Variants in BAHCC1 observed in about 807,000 individuals in gnomAD.
BAHCC1 encodes the protein BAH domain and coiled-coil containing 1, also known as BAH and coiled-coil domain-containing protein 1.
In BAHCC1, 43 loss-of-function variants were observed where a neutral mutation model predicts 88.2. That is an observed-to-expected ratio of 0.49 (90% CI 0.38 to 0.63). The LOEUF (loss-of-function observed/expected upper bound fraction) is 0.63, where lower values mean the gene tolerates loss of function less well. Among genes scored for constraint, BAHCC1 ranks in the 20% least tolerant of loss-of-function variants. The pLI is 0.00. For missense variants in BAHCC1, 3,023 were observed against 1,654.8 expected, an observed-to-expected ratio of 1.83 and a Z score of -14.34; for synonymous variants, 1,510 against 745.5, an observed-to-expected ratio of 2.03 and a Z score of -16.71.
rs2064502764 is a variant in BAHCC1, at chr17:81,445,252, A to G, written c.2835+74A>G. The G allele has an allele frequency of 4.2e-6, 3 of 721,124 alleles. No individual in the cohort carries two copies. The Admixed American group carries it at 6.0e-5, about 14-fold the overall frequency. 44.7% of individuals were successfully genotyped at this position (721,124 alleles called of 1,614,324 possible). ...CTGCCTGGCCGGACCTGGCTCCAGG[A>G]GACCCCTGCATGCCTGGCCTCTGGC... On this transcript the variant is annotated intron_variant, in intron 9 of 27. Coordinates refer to ENST00000675386, the MANE Select transcript of BAHCC1 (RefSeq NM_001377448.1).
intron 14 of BAHCC1, 61 bp from the exon 15 acceptor site, chr17:81,455,206 G>A: frequency 1.4e-6 from 1 of 695,282 alleles, no homozygotes; most frequent in Non-Finnish European, 2.6e-6. Context: ...AGACAGTAGG[G>A]GGACAAGGCT....
At position 81,448,445 on chromosome 17, in the gene BAHCC1, T is replaced by C. The variant is rs374003076; in HGVS notation, c.3976+597T>C. On this transcript the variant is annotated intron_variant, in intron 11 of 27. Transcript: ENST00000675386. ...GACACCCGAGGGCCAGGTGTCTGCT[T>C]CGTCCACCCTGGGCCTTGGTCCGGG... Among the ~76,000 whole-genome samples the C allele has an allele frequency of 5.6e-4, 85 of 152,130 alleles. No individual in the cohort carries two copies. The East Asian group carries it at 0.014, about 26-fold the overall frequency.
Position 81,443,094 on chromosome 17 carries a change from C to T in BAHCC1, c.1745C>T (p.Pro582Leu), listed in dbSNP as rs781953437. The change falls in exon 5 of 28, where the codon CCC becomes CTC. Residue 582 changes from proline to leucine, a missense_variant. By Grantham distance (98) the Pro-to-Leu change is moderately conservative. Coordinates refer to ENST00000675386, the MANE Select transcript of BAHCC1 (RefSeq NM_001377448.1). Reference sequence around the variant, plus strand: ...CTGGGCTACAGTGGGCCCCACCTGCCCCCATGGGGTGTCCAGGCAGGCCAG... The same window carrying T: ...CTGGGCTACAGTGGGCCCCACCTGCTCCCATGGGGTGTCCAGGCAGGCCAG... ...ASLGYSGPHLPPWGVQAGQGT... is the reference protein window; with the variant it reads ...ASLGYSGPHLLPWGVQAGQGT... The T allele has an allele frequency of 1.3e-6, 1 of 778,190 alleles. No individual in the cohort carries two copies. Among genetic ancestry groups the T allele is most frequent in the Admixed American group, 1.7e-5 (1 of 59,006 alleles). 48.2% of individuals were successfully genotyped at this position (778,190 alleles called of 1,614,324 possible).
chr17:81,445,193 C>T lies in BAHCC1; in HGVS notation c.2835+15C>T, dbSNP rs782768522. On this transcript the variant is annotated intron_variant, in intron 9 of 27. Transcript: ENST00000675386. ...CCCAGTTCCAGGTACCGCCCCTAGC[C>T]ACGCTCACCTGGGCCGGGCACTTCT... 2 of 758,636 alleles carry T rather than the reference C, an allele frequency of 2.6e-6. No homozygotes were observed. The highest frequency in any genetic ancestry group is 3.4e-5 in the African/African-American group (2 of 58,680). 47.0% of individuals were successfully genotyped at this position (758,636 alleles called of 1,614,324 possible).
intron 3 of BAHCC1, among the ~76,000 whole-genome samples, chr17:81,433,636 C>T (rs2064296981): frequency 6.7e-6 from 1 of 148,996 alleles, no homozygotes; most frequent in Admixed American, 6.7e-5. Context: ...CAAGGCCCCT[C>T]CTGTGCCCAG....
intron 4 of BAHCC1, among the ~76,000 whole-genome samples, chr17:81,441,278 G>A (rs528814921): frequency 1.1e-4 from 16 of 152,316 alleles, no homozygotes; most frequent in African/African-American, 2.4e-4. Context: ...ACGGCTGCAC[G>A]GCAGGGGGAG....
chr17:81,448,884 G>A (rs1331935758), intron 11 of BAHCC1, among the ~76,000 whole-genome samples: 1 of 152,116 alleles, frequency 6.6e-6, no homozygotes, highest in Non-Finnish European at 1.5e-5. Flanking sequence ...ACCCCCCAGA[G>A]GCCCTCCCTT....
At chr17:81,462,421 T>C in intron 26 of BAHCC1, 1 of 492,520 alleles carries the variant, frequency 2.0e-6, no homozygotes, top group East Asian at 3.5e-5. Context: ...CGGGGGCGCA[T>C]GTGGGGCCAC....
intron 2 of BAHCC1, among the ~76,000 whole-genome samples, chr17:81,424,192 C>T (rs1272024452): frequency 4.6e-5 from 7 of 152,204 alleles, no homozygotes; most frequent in Admixed American, 4.6e-4. Flanking sequence ...GTTTATTGGG[C>T]CTGGGTAGAG....
chr17:81,414,306 C>T (rs1475603263), intron 2 of BAHCC1, among the ~76,000 whole-genome samples: 2 of 152,256 alleles, frequency 1.3e-5, no homozygotes, highest in African/African-American at 4.8e-5. Flanking sequence ...GTCTGGGCAG[C>T]AGAGGCTCAG....
chr17:81,459,860 G>A (rs1555658621), intron 23 of BAHCC1, among the ~76,000 whole-genome samples: 1 of 152,126 alleles, frequency 6.6e-6, no homozygotes, highest in African/African-American at 2.4e-5. Context: ...GCTGCTGGGG[G>A]TCACAGAGTA....
At chr17:81,404,692 G>C (rs1315490731) in intron 2 of BAHCC1, among the ~76,000 whole-genome samples, 2 of 152,228 alleles carry the variant, frequency 1.3e-5, no homozygotes, top group Non-Finnish European at 2.9e-5. Context: ...CAAGTTGATA[G>C]GATGTTCGCT....
At chr17:81,421,287 G>C (rs534047128) in intron 2 of BAHCC1, among the ~76,000 whole-genome samples, 1 of 152,372 alleles carries the variant, frequency 6.6e-6, no homozygotes, top group African/African-American at 2.4e-5. Flanking sequence ...GGCTACACTC[G>C]GCTCCCAGGC....
intron 11 of BAHCC1, among the ~76,000 whole-genome samples, chr17:81,449,631 G>A (rs1325166218): frequency 2.6e-5 from 4 of 152,000 alleles, no homozygotes; most frequent in Admixed American, 6.5e-5. Context: ...GAAGGGGCCT[G>A]CAGATGTGCC....
Position 81,444,350 on chromosome 17 carries a change from C to T in BAHCC1, c.2325-31C>T, listed in dbSNP as rs782401014. On this transcript the variant is annotated intron_variant, in intron 6 of 27. Coordinates refer to ENST00000675386, the MANE Select transcript of BAHCC1 (RefSeq NM_001377448.1). ...GGGATGGGGAGCTGGGCCTTGGCGC[C>T]GGCGGCAGGGCTGAGCCCCAGGTCT... 7.3e-5 allele frequency: 52 copies of T among 715,232 alleles called. 1 individual carries two copies. Among genetic ancestry groups the T allele is most frequent in the South Asian group, 5.3e-4 (36 of 67,606 alleles). 44.3% of individuals were successfully genotyped at this position (715,232 alleles called of 1,614,324 possible).
rs72853258 is a variant in BAHCC1, at chr17:81,440,726, T to C, written c.482-1105T>C. Among the ~76,000 whole-genome samples, 947 of 152,282 alleles carry C rather than the reference T, an allele frequency of 6.2e-3. 3 individuals are homozygous for C. Among genetic ancestry groups the C allele is most frequent in the Middle Eastern group, 0.02 (6 of 294 alleles). On this transcript the variant is annotated intron_variant, in intron 4 of 27. Coordinates refer to ENST00000675386, the MANE Select transcript of BAHCC1 (RefSeq NM_001377448.1). ...GAGGGCCCAGACCGAGGGCCCAGGC[T>C]GGGCAACCGTTTCAGGGACCCCAGA...
intron 3 of BAHCC1, among the ~76,000 whole-genome samples, chr17:81,433,027 G>A (rs1216697900): frequency 6.7e-6 from 1 of 149,666 alleles, no homozygotes; most frequent in South Asian, 2.1e-4. Context: ...ACCTGCTCCC[G>A]CTCTTAGCTA....
At chr17:81,431,638 T>C (rs1423210674) in intron 3 of BAHCC1, among the ~76,000 whole-genome samples, 2 of 152,198 alleles carry the variant, frequency 1.3e-5, no homozygotes, top group African/African-American at 4.8e-5. Flanking sequence ...TTGGGCAGGA[T>C]GACTGCACTT....
At chr17:81,409,133 C>A (rs1260388834) in intron 2 of BAHCC1, among the ~76,000 whole-genome samples, 2 of 152,248 alleles carry the variant, frequency 1.3e-5, no homozygotes, top group South Asian at 4.1e-4. Context: ...GTGTTCCCCC[C>A]ACACTGGACC....
Sources: allele counts gnomAD v4.1 joint callset (sites outside exome capture counted in the v4.1 genomes callset), GRCh38; gene constraint gnomAD v4.1.1; transcripts MANE v1.5; gene names NCBI Gene and HGNC (gene_info 2026-07-23, HGNC 2026-07-21).